Variants in PPP1R1C observed in about 807,000 individuals in gnomAD.
The protein encoded by PPP1R1C is protein phosphatase 1 regulatory inhibitor subunit 1C, also known as protein phosphatase 1 regulatory subunit 1C.
Under a neutral mutation model 17.4 loss-of-function variants are expected in PPP1R1C, and 15 were observed. The observed-to-expected ratio is 0.86, with a 90% CI of 0.58 to 1.33. The LOEUF (loss-of-function observed/expected upper bound fraction) is 1.33. Ranked by LOEUF, PPP1R1C falls within the 40% of genes most tolerant of loss-of-function variation. PPP1R1C has a pLI of 0.00. For missense variants in PPP1R1C, 143 were observed against 130.0 expected, an observed-to-expected ratio of 1.10 and a Z score of -0.48; for synonymous variants, 35 against 43.1, an observed-to-expected ratio of 0.81 and a Z score of 0.73.
chr2:182,104,454 A>G (rs1398619191), intron 4 of PPP1R1C, among the ~76,000 whole-genome samples: 1 of 152,196 alleles, frequency 6.6e-6, no homozygotes, highest in Non-Finnish European at 1.5e-5. Flanking sequence ...TGAGGTGATC[A>G]TATGGTTTTT....
Position 182,027,817 on chromosome 2 carries a change from T to A in PPP1R1C, c.143-33625T>A, listed in dbSNP as rs1463719249. Reference sequence around the variant, plus strand: ...GTTCCTCCTTGTACCTCTGGTAGAATTCGGCTGTGAATCCATCTGGTCCTG... The same window carrying A: ...GTTCCTCCTTGTACCTCTGGTAGAAATCGGCTGTGAATCCATCTGGTCCTG... On this transcript the variant is annotated intron_variant, in intron 2 of 4. Coordinates refer to ENST00000682840, the MANE Select transcript of PPP1R1C (RefSeq NM_001080545.3). Among the ~76,000 whole-genome samples, 23 of 147,114 alleles carry A rather than the reference T, an allele frequency of 1.6e-4. No individual in the cohort carries two copies. The South Asian group carries it at 5.1e-3, about 32-fold the overall frequency.
chr2:182,008,816 A>C (rs1026431822), intron 2 of PPP1R1C, among the ~76,000 whole-genome samples: 28 of 152,178 alleles, frequency 1.8e-4, no homozygotes, highest in African/African-American at 6.8e-4. Flanking sequence ...TCTGGTAACC[A>C]TCATTCTACT....
intron 4 of PPP1R1C, among the ~76,000 whole-genome samples, chr2:182,071,187 T>C (rs1340526676): frequency 1.3e-5 from 2 of 152,202 alleles, no homozygotes; most frequent in African/African-American, 4.8e-5. Context: ...TCTTCTATTC[T>C]AGGAATCTAT....
upstream of PPP1R1C, among the ~76,000 whole-genome samples, chr2:181,983,878 T>G (rs1242930419): frequency 6.6e-6 from 1 of 152,168 alleles, no homozygotes; most frequent in Non-Finnish European, 1.5e-5. Flanking sequence ...TGAATCTTAA[T>G]GGACACACAG....
At chr2:182,077,894 AC>A (rs1688361056) in intron 4 of PPP1R1C, among the ~76,000 whole-genome samples, 1 of 152,160 alleles carries the variant, frequency 6.6e-6, no homozygotes, top group East Asian at 1.9e-4. Flanking sequence ...AAGAAGTGGA[AC>A]CCTTGCCGGG....
In PPP1R1C at chr2:182,042,163, T is replaced by G. The variant is rs148947213; in HGVS notation, c.143-19279T>G. On this transcript the variant is annotated intron_variant, in intron 2 of 4. Transcript: ENST00000682840. The stretch of plus-strand genomic sequence containing the variant: ...GTTTTCTGGAATAGAATAGAAAGTA[T>G]GACTCCTTTTTTTACTCTACTTATT... Among the ~76,000 whole-genome samples, 6 of 152,354 alleles carry G rather than the reference T, an allele frequency of 3.9e-5. No individual in the cohort carries two copies. The East Asian group carries it at 5.8e-4, about 15-fold the overall frequency.
chr2:181,961,966 C>T lies in PPP1R1C; in HGVS notation n.111+7332C>T. ...TCCCCACAGACGGGTGCATGGCCAGCTCTGTCTCATACTTGACTCTAAAGT... is the reference window on the plus strand; with the variant it reads ...TCCCCACAGACGGGTGCATGGCCAGTTCTGTCTCATACTTGACTCTAAAGT... On this transcript the variant is annotated intron_variant and non_coding_transcript_variant, in intron 1 of 5. Coordinates refer to the PPP1R1C transcript ENST00000464264. This position sits in a 1 kb window ranked among gnomAD's most constrained non-coding sequence, Gnocchi z 5.8. The T allele has an allele frequency of 2.7e-6, 2 of 736,348 alleles. No individual in the cohort carries two copies. The highest frequency in any genetic ancestry group is 5.0e-6 in the Non-Finnish European group (2 of 399,254). 45.6% of individuals were successfully genotyped at this position (736,348 alleles called of 1,614,324 possible).
chr2:182,011,794 A>C (rs6752989), intron 2 of PPP1R1C, among the ~76,000 whole-genome samples: 2 of 151,796 alleles, frequency 1.3e-5, no homozygotes, highest in African/African-American at 4.8e-5. Flanking sequence ...TGTATCCCAC[A>C]GGTTTTGGTA....
intron 1 of PPP1R1C, among the ~76,000 whole-genome samples, chr2:181,987,072 C>T (rs1233281785): frequency 6.6e-6 from 1 of 151,998 alleles, no homozygotes; most frequent in African/African-American, 2.4e-5. Context: ...TAAATGTATC[C>T]TTGAACATGT....
intron 2 of PPP1R1C, among the ~76,000 whole-genome samples, chr2:182,028,610 C>T (rs551586163): frequency 1.7e-3 from 254 of 152,088 alleles, no homozygotes; most frequent in African/African-American, 5.7e-3. Flanking sequence ...TTTACATTTG[C>T]TGAGGAAAGC....
At chr2:182,116,348 T>C (rs1056732781) in intron 4 of PPP1R1C, among the ~76,000 whole-genome samples, 2 of 152,100 alleles carry the variant, frequency 1.3e-5, no homozygotes, top group Non-Finnish European at 2.9e-5. Context: ...TAATTGACAA[T>C]AGATGTTCTA....
intron 2 of PPP1R1C, among the ~76,000 whole-genome samples, chr2:182,008,364 A>C (rs1330531711): frequency 2.0e-5 from 3 of 152,142 alleles, no homozygotes; most frequent in African/African-American, 7.2e-5. Flanking sequence ...ATAAAAAAAA[A>C]CAGAAAATGG....
intron 4 of PPP1R1C, among the ~76,000 whole-genome samples, chr2:182,069,425 G>A (rs1688079778): frequency 6.6e-6 from 1 of 151,562 alleles, no homozygotes; most frequent in Non-Finnish European, 1.5e-5. Flanking sequence ...ATTTGAGAAT[G>A]TACCTTTCTT....
chr2:182,091,294 G>T (rs1688772907), intron 4 of PPP1R1C, among the ~76,000 whole-genome samples: 4 of 152,118 alleles, frequency 2.6e-5, no homozygotes, highest in African/African-American at 9.7e-5. Flanking sequence ...CAGTGGCAAA[G>T]ACTGAAATAT....
intron 2 of PPP1R1C, among the ~76,000 whole-genome samples, chr2:182,058,133 T>G (rs1336226554): frequency 6.6e-6 from 1 of 152,102 alleles, no homozygotes; most frequent in Non-Finnish European, 1.5e-5. Context: ...TATAATGCCT[T>G]TTTTTCTGTT....
chr2:181,979,306 C>T (rs980506882), intron 2 of PPP1R1C, among the ~76,000 whole-genome samples: 3 of 152,126 alleles, frequency 2.0e-5, no homozygotes, highest in African/African-American at 2.4e-5. Context: ...CTCTCTCTTC[C>T]GTTATTATCA....
intron 1 of PPP1R1C, among the ~76,000 whole-genome samples, chr2:181,986,570 G>A (rs1028129148): frequency 6.6e-6 from 1 of 152,094 alleles, no homozygotes; most frequent in Non-Finnish European, 1.5e-5. Flanking sequence ...TAAAATGATT[G>A]ATTTAGCAAT....
rs559532424 is a variant in PPP1R1C, at chr2:181,964,481, T to G, written n.111+9847T>G. Among the ~76,000 whole-genome samples the G allele has an allele frequency of 3.3e-5, 5 of 152,304 alleles. No homozygotes were observed. The South Asian group carries it at 1.0e-3, about 32-fold the overall frequency. On this transcript the variant is annotated intron_variant and non_coding_transcript_variant, in intron 1 of 5. Transcript: ENST00000464264. ...GATTTCCTTTCTTTTGGGTATACAC[T>G]AAGCAGTGGAATTACTGGATCATAT...
At chr2:182,047,996 G>A (rs545884904) in intron 2 of PPP1R1C, among the ~76,000 whole-genome samples, 25 of 151,782 alleles carry the variant, frequency 1.6e-4, no homozygotes, top group African/African-American at 6.0e-4. Context: ...GGTTCTTATT[G>A]GCATCCCCTA....
Sources: gnomAD v4.1 joint callset for allele counts (sites outside exome capture counted in the v4.1 genomes callset) on GRCh38, gnomAD v4.1.1 for gene constraint, Gnocchi (gnomAD v3.1) non-coding constraint, MANE v1.5 for transcripts, NCBI Gene and HGNC (gene_info 2026-07-23, HGNC 2026-07-21) for gene names.